Variants in EFCAB8 observed in about 807,000 individuals in gnomAD.
EFCAB8 encodes EF-hand calcium binding domain 8, also known as EF-hand calcium-binding domain-containing protein 8.
Under a neutral mutation model 116.3 loss-of-function variants are expected in EFCAB8, and 100 were observed. That is an observed-to-expected ratio of 0.86 (90% CI 0.73 to 1.02). The LOEUF is 1.02. Ranked by LOEUF, EFCAB8 falls within the 50% of genes least tolerant of loss-of-function variation. The pLI is 0.00. For synonymous variants in EFCAB8, 558 were observed against 567.9 expected (o/e 0.98, Z 0.25); for missense variants, 1,320 against 1,416.9 (o/e 0.93, Z 1.10).
intron 22 of EFCAB8, among the ~76,000 whole-genome samples, chr20:32,939,140 T>C (rs996576506): frequency 2.7e-5 from 1 of 37,548 alleles, no homozygotes; most frequent in Non-Finnish European, 5.4e-5. Flanking sequence ...TCTTTCTTTC[T>C]TTCTTTCTTT....
Position 32,918,411 on chromosome 20 carries a change from C to G in EFCAB8, c.2111C>G (p.Pro704Arg), listed in dbSNP as rs1329064577. 1.9e-6 allele frequency: 3 copies of G among 1,551,546 alleles called. No individual in the cohort carries two copies. The highest frequency in any genetic ancestry group is 1.4e-5 in the African/African-American group (1 of 73,028). ...CLAESHRPSRPYVEREKWTYK... is the reference protein window; with the variant it reads ...CLAESHRPSRRYVEREKWTYK... ...GCTGAGAGCCACAGGCCCAGCAGAC[C>G]CTATGTGGAGCGGGAGAAGTGGACA... The change falls in exon 19 of 27, where the codon CCC becomes CGC. Residue 704 changes from proline to arginine, a missense_variant. Transcript: ENST00000400522.
intron 22 of EFCAB8, among the ~76,000 whole-genome samples, chr20:32,933,301 A>G (rs1004647501): frequency 5.9e-5 from 9 of 152,202 alleles, no homozygotes; most frequent in South Asian, 4.1e-4. Flanking sequence ...GGAATTTCCT[A>G]TACCATCAAG....
rs1397271091 is a variant in EFCAB8, at chr20:32,906,649, C to A, written c.1156+20C>A. On this transcript the variant is annotated intron_variant, in intron 12 of 26. Transcript: ENST00000400522. ...TCCTGGGTAAGTCACCTTCATGTCACCCAGAAGCTGCTGGGGGGAGGGCTG... is the reference window on the plus strand; with the variant it reads ...TCCTGGGTAAGTCACCTTCATGTCAACCAGAAGCTGCTGGGGGGAGGGCTG... The A allele has an allele frequency of 1.4e-6, 1 of 718,014 alleles. No individual in the cohort carries two copies. Among genetic ancestry groups the A allele is most frequent in the South Asian group, 1.5e-5 (1 of 67,564 alleles). 44.5% of individuals were successfully genotyped at this position (718,014 alleles called of 1,614,324 possible).
At chr20:32,890,496 G>GAC (rs1172195614) in intron 7 of EFCAB8, among the ~76,000 whole-genome samples, 2 of 88,170 alleles carry the variant, frequency 2.3e-5, no homozygotes, top group Non-Finnish European at 5.2e-5. Flanking sequence ...CAGACTGGAA[G>GAC]GTCAGGGACT....
chr20:32,891,426 C>T (rs1426951369), intron 7 of EFCAB8, among the ~76,000 whole-genome samples: 2 of 152,162 alleles, frequency 1.3e-5, no homozygotes, highest in Non-Finnish European at 2.9e-5. Context: ...CCATGTTGGC[C>T]AGGCTAGTCT....
rs1341807031 is a variant in EFCAB8, at chr20:32,874,128, C to T, written c.209-1798C>T. Among the ~76,000 whole-genome samples, 293 of 151,784 alleles carry T rather than the reference C, an allele frequency of 1.9e-3. 2 individuals are homozygous for T. Among genetic ancestry groups the T allele is most frequent in the African/African-American group, 6.8e-3 (280 of 41,108 alleles). On this transcript the variant is annotated intron_variant, in intron 3 of 26. Transcript: ENST00000400522. The stretch of plus-strand genomic sequence containing the variant: ...TGAAGATGCGGTTTCACCATGTTGC[C>T]CAGCCTGGTCTCAAACTCCTGGGCT...
intron 23 of EFCAB8, among the ~76,000 whole-genome samples, chr20:32,954,297 AT>A (rs1476627217): frequency 6.6e-6 from 1 of 151,994 alleles, no homozygotes; most frequent in African/African-American, 2.4e-5. Context: ...TTTTGAGTTC[AT>A]TTTTGTATAT....
chr20:32,961,036 A>C, intron 26 of EFCAB8, 100 bp from the exon 27 acceptor site: 8 of 1,016,116 alleles, frequency 7.9e-6, no homozygotes, highest in Non-Finnish European at 1.2e-5. Context: ...TGGCATGGGA[A>C]GACCTCAGGG....
chr20:32,928,536 A>G (rs1987762326), intron 20 of EFCAB8, among the ~76,000 whole-genome samples: 1 of 152,186 alleles, frequency 6.6e-6, no homozygotes, highest in African/African-American at 2.4e-5. Context: ...CACCCAGCCA[A>G]TGCGACTGAT....
chr20:32,950,416 A>C (rs897874213), intron 23 of EFCAB8, among the ~76,000 whole-genome samples: 1 of 152,228 alleles, frequency 6.6e-6, no homozygotes, highest in Non-Finnish European at 1.5e-5. Flanking sequence ...GTAAGAATTA[A>C]AGAGGAAACA....
At chr20:32,866,347 G>T (rs955545767) in intron 2 of EFCAB8, among the ~76,000 whole-genome samples, 1 of 152,192 alleles carries the variant, frequency 6.6e-6, no homozygotes, top group Non-Finnish European at 1.5e-5. Context: ...GTGTCTCAGT[G>T]AGCAGGACTG....
chr20:32,900,020 G>A (rs1326636290), intron 11 of EFCAB8, among the ~76,000 whole-genome samples: 8 of 152,180 alleles, frequency 5.3e-5, no homozygotes, highest in African/African-American at 1.9e-4. Flanking sequence ...TGAGCCTTTG[G>A]GGCTCTGACA....
At chr20:32,931,365 G>A (rs1987904292) in intron 22 of EFCAB8, 29 bp downstream of exon 22, 3 of 1,504,988 alleles carry the variant, frequency 2.0e-6, no homozygotes, top group Non-Finnish European at 2.7e-6. Flanking sequence ...AGTTGCTCAG[G>A]AAAGTGCCTT....
chr20:32,893,245 A>G lies in EFCAB8; in HGVS notation c.830A>G (p.Asn277Ser). Residue 277 changes from asparagine (N) to serine (S), a missense_variant, in exon 9 of 27, where the codon AAC becomes AGC. Physicochemically the swap from Asn to Ser is conservative, Grantham distance 46. Coordinates refer to ENST00000400522, the MANE Select transcript of EFCAB8 (RefSeq NM_001143967.2). ...KGNVIVFTSENMTSGLFNPRI... is the reference protein window; with the variant it reads ...KGNVIVFTSESMTSGLFNPRI... The stretch of plus-strand genomic sequence containing the variant: ...AACGTCATTGTCTTCACCTCCGAAA[A>G]CATGACCAGTGGGCTGTTCAACCCC... 1 of 1,551,924 alleles carries G rather than the reference A, an allele frequency of 6.4e-7. No homozygotes were observed. The highest frequency in any genetic ancestry group is 8.7e-7 in the Non-Finnish European group (1 of 1,147,044).
intron 11 of EFCAB8, among the ~76,000 whole-genome samples, chr20:32,900,999 G>C (rs984098498): frequency 1.3e-5 from 2 of 152,232 alleles, no homozygotes; most frequent in African/African-American, 2.4e-5. Context: ...ACCGCGCCCG[G>C]CCGTCCAGTG....
intron 6 of EFCAB8, among the ~76,000 whole-genome samples, chr20:32,887,230 A>T (rs1456821278): frequency 6.6e-5 from 10 of 152,150 alleles, no homozygotes; most frequent in Admixed American, 6.5e-4. Flanking sequence ...AGCTTTTCAG[A>T]TCGTACTTCT....
intron 23 of EFCAB8, among the ~76,000 whole-genome samples, chr20:32,952,160 G>A (rs1988817087): frequency 6.6e-6 from 1 of 152,080 alleles, no homozygotes; most frequent in Admixed American, 6.5e-5. Flanking sequence ...AGCTATTCAG[G>A]AGGCTGAGGC....
chr20:32,931,465 A>G, intron 22 of EFCAB8, 129 bp downstream of exon 22: 1 of 1,250,890 alleles, frequency 8.0e-7, no homozygotes, highest in Non-Finnish European at 1.1e-6. Flanking sequence ...TATTGATAGA[A>G]TTAGTATTCG....
Position 32,859,016 on chromosome 20 carries a change from G to A in EFCAB8, c.-11+10G>A. The A allele has an allele frequency of 2.1e-6, 1 of 471,120 alleles. No homozygotes were observed. Among genetic ancestry groups the A allele is most frequent in the South Asian group, 1.5e-5 (1 of 64,562 alleles). 29.2% of individuals were successfully genotyped at this position (471,120 alleles called of 1,614,324 possible). A position where few individuals can be genotyped will look rare whatever the true frequency, so the allele number is the denominator to read the frequency against. The stretch of plus-strand genomic sequence containing the variant: ...ATCAAATTGAGTCAGGGTGAGTGAG[G>A]GTTTTAGGTGAAAGTTGCTCTCCAA... On this transcript the variant is annotated intron_variant, in intron 1 of 26. Coordinates refer to ENST00000400522, the MANE Select transcript of EFCAB8 (RefSeq NM_001143967.2).
Sources: allele counts gnomAD v4.1 joint callset (sites outside exome capture counted in the v4.1 genomes callset), GRCh38; gene constraint gnomAD v4.1.1; transcripts MANE v1.5; gene names NCBI Gene and HGNC (gene_info 2026-07-23, HGNC 2026-07-21).